The following KCNK2 variants were observed in gnomAD, a reference collection of about 807,000 sequenced individuals.
KCNK2 encodes potassium two pore domain channel subfamily K member 2.
Under a neutral mutation model 40.5 loss-of-function variants are expected in KCNK2, and 21 were observed. That is an observed-to-expected ratio of 0.52 (90% confidence interval 0.37 to 0.75). The LOEUF is 0.75. Among genes scored for constraint, KCNK2 ranks in the 30% least tolerant of loss-of-function variants. KCNK2 has a pLI of 0.00. For missense variants in KCNK2, 399 were observed against 531.6 expected (o/e 0.75, Z 2.45); for synonymous variants, 191 against 202.2 (o/e 0.94, Z 0.47).
intron 1 of KCNK2, among the ~76,000 whole-genome samples, chr1:215,036,166 G>T (rs746581316): frequency 6.7e-6 from 1 of 150,086 alleles, no homozygotes; most frequent in East Asian, 1.9e-4. Flanking sequence ...TATAATTTTA[G>T]CTTTTACTTT....
intron 1 of KCNK2, among the ~76,000 whole-genome samples, chr1:215,034,082 A>G (rs1657298778): frequency 6.6e-6 from 1 of 152,002 alleles, no homozygotes; most frequent in Admixed American, 6.6e-5. Context: ...GTTCTCTCCA[A>G]TTTAGGGGGA....
At chr1:215,143,576 T>C (rs2102603692) in intron 3 of KCNK2, among the ~76,000 whole-genome samples, 1 of 152,264 alleles carries the variant, frequency 6.6e-6, no homozygotes, top group East Asian at 1.9e-4. Context: ...CATTTTTGGA[T>C]AAGTACGCCA....
At chr1:215,031,258 G>A (rs1657179631) in intron 1 of KCNK2, among the ~76,000 whole-genome samples, 1 of 152,070 alleles carries the variant, frequency 6.6e-6, no homozygotes, top group South Asian at 2.1e-4. Context: ...TCAGTTTGTC[G>A]ATAGCCACTG....
intron 1 of KCNK2, among the ~76,000 whole-genome samples, chr1:215,046,271 A>G (rs1049344844): frequency 6.6e-6 from 1 of 152,146 alleles, no homozygotes; most frequent in Non-Finnish European, 1.5e-5. Flanking sequence ...CCCTTGGCAT[A>G]AAAAGGTATA....
At chr1:215,037,452 T>C (rs1056472989) in intron 1 of KCNK2, among the ~76,000 whole-genome samples, 8 of 151,984 alleles carry the variant, frequency 5.3e-5, no homozygotes, top group South Asian at 4.1e-4. Context: ...TCAGGATTTA[T>C]AGGTCTAAGT....
intron 2 of KCNK2, among the ~76,000 whole-genome samples, chr1:215,123,068 G>A (rs1661266130): frequency 6.6e-6 from 1 of 151,962 alleles, no homozygotes; most frequent in South Asian, 2.1e-4. Flanking sequence ...TCTTTAATGT[G>A]ACAACTTTAT....
chr1:215,064,637 G>A (rs1658477168), intron 1 of KCNK2, among the ~76,000 whole-genome samples: 1 of 152,106 alleles, frequency 6.6e-6, no homozygotes, highest in Non-Finnish European at 1.5e-5. Flanking sequence ...GAAAACCATG[G>A]CTTGCTGGCA....
chr1:215,078,638 G>A (rs997960036), upstream of KCNK2, among the ~76,000 whole-genome samples: 1 of 152,128 alleles, frequency 6.6e-6, no homozygotes, highest in Middle Eastern at 3.2e-3. Flanking sequence ...CTTGACATGT[G>A]GGAATTATGG....
At chr1:215,027,354 G>A (rs1442970053) in intron 1 of KCNK2, among the ~76,000 whole-genome samples, 1 of 152,040 alleles carries the variant, frequency 6.6e-6, no homozygotes, top group Non-Finnish European at 1.5e-5. Flanking sequence ...TCGTTTCGAT[G>A]TTGAGAATAC....
chr1:215,091,861 C>T (rs1348760581), intron 2 of KCNK2, among the ~76,000 whole-genome samples: 2 of 151,986 alleles, frequency 1.3e-5, no homozygotes, highest in African/African-American at 2.4e-5. Context: ...AGGTTCTCAC[C>T]GAGGGGAGAG....
intron 6 of KCNK2, among the ~76,000 whole-genome samples, chr1:215,232,573 G>T (rs1185549468): frequency 6.6e-6 from 1 of 152,172 alleles, no homozygotes; most frequent in East Asian, 1.9e-4. Flanking sequence ...CACATACGAG[G>T]TTCTAGGTGC....
At chr1:215,223,682 C>T (rs1666273958) in intron 6 of KCNK2, among the ~76,000 whole-genome samples, 2 of 152,094 alleles carry the variant, frequency 1.3e-5, no homozygotes, top group Admixed American at 1.3e-4. Flanking sequence ...CCAAATCACA[C>T]CACATACTTC....
chr1:215,216,161 A>C (rs146602571), intron 6 of KCNK2, among the ~76,000 whole-genome samples: 5 of 152,132 alleles, frequency 3.3e-5, no homozygotes, highest in Non-Finnish European at 7.3e-5. Flanking sequence ...TTGTTGAAAT[A>C]GGATGAGGGA....
intron 3 of KCNK2, among the ~76,000 whole-genome samples, chr1:215,161,940 C>A (rs1052761160): frequency 1.3e-5 from 2 of 152,126 alleles, no homozygotes; most frequent in Admixed American, 1.3e-4. Flanking sequence ...GGGCATATAA[C>A]CACTAACGGG....
At chr1:215,130,814 T>C (rs1417882659) in intron 3 of KCNK2, among the ~76,000 whole-genome samples, 1 of 152,168 alleles carries the variant, frequency 6.6e-6, no homozygotes, top group Non-Finnish European at 1.5e-5. Context: ...AGAATAATGC[T>C]TTAGAGGGCT....
chr1:215,072,610 T>A (rs2102516514), intron 1 of KCNK2, among the ~76,000 whole-genome samples: 1 of 152,280 alleles, frequency 6.6e-6, no homozygotes, highest in African/African-American at 2.4e-5. Context: ...ATGAGAATAT[T>A]TTCTCCAGTT....
chr1:215,093,383 A>ATATAATATACC (rs1206724061), intron 2 of KCNK2, among the ~76,000 whole-genome samples: 15 of 138,240 alleles, frequency 1.1e-4, no homozygotes, highest in Admixed American at 4.8e-4. Context: ...TAAAATATAC[A>ATATAATATACC]TATAATATAC....
chr1:215,121,463 T>C (rs1040982604), intron 2 of KCNK2, among the ~76,000 whole-genome samples: 1 of 152,040 alleles, frequency 6.6e-6, no homozygotes, highest in Admixed American at 6.6e-5. Flanking sequence ...CTTGTAGAGA[T>C]GGGGTTTCAC....
chr1:215,125,739 AATATATATATAT>A lies in KCNK2; in HGVS notation c.475+1017_475+1028del, dbSNP rs66622204. Among the ~76,000 whole-genome samples the A allele has an allele frequency of 3.9e-4, 48 of 124,320 alleles. No individual in the cohort carries two copies. In the South Asian group the frequency reaches 7.5e-3, roughly 19 times the overall value. The allele number at this position is 124,320 out of a possible 152,430, so 81.6% of individuals were successfully genotyped here. On this transcript the variant is annotated intron_variant, in intron 3 of 6. Transcript: ENST00000444842. ...GTACCCTAGAACTTGAAGTATAATA[AATATATATATAT>A]ATATATATATATATATATATATATA...
Sources: allele counts gnomAD v4.1 joint callset (sites outside exome capture counted in the v4.1 genomes callset), GRCh38; gene constraint gnomAD v4.1.1; transcripts MANE v1.5; gene names NCBI Gene and HGNC (gene_info 2026-07-23, HGNC 2026-07-21).